SATB2: variants seen among roughly 807,000 people sequenced by gnomAD.
SATB2 encodes the protein SATB homeobox 2.
In SATB2, 1 loss-of-function variant was observed where a neutral mutation model predicts 73.4. The observed-to-expected ratio is 0.01, with a 90% CI of 0.00 to 0.06. The LOEUF (loss-of-function observed/expected upper bound fraction) is 0.06, where lower values mean the gene tolerates loss of function less well. SATB2 is among the 10% of genes least tolerant of loss of function. The probability of loss-of-function intolerance (pLI) is 1.00; values close to 1 mark genes in which losing one functional copy is unlikely to be tolerated. For missense variants in SATB2, 459 were observed against 945.8 expected (o/e 0.49, Z 6.75); for synonymous variants, 397 against 367.0 (o/e 1.08, Z -0.93).
intron 10 of SATB2, among the ~76,000 whole-genome samples, chr2:199,298,406 G>A (rs1574483374): frequency 6.6e-6 from 1 of 152,060 alleles, no homozygotes; most frequent in Admixed American, 6.6e-5. Flanking sequence ...CAGTCTACTT[G>A]TATAAGCTCT....
At chr2:199,436,847 G>A (rs985076467) in intron 2 of SATB2, among the ~76,000 whole-genome samples, 1 of 151,086 alleles carries the variant, frequency 6.6e-6, no homozygotes, top group Non-Finnish European at 1.5e-5. Flanking sequence ...CCAAGAAAGA[G>A]AGAGAGAGAG....
intron 10 of SATB2, among the ~76,000 whole-genome samples, chr2:199,280,763 C>A (rs1412901857): frequency 6.6e-6 from 1 of 152,134 alleles, no homozygotes; most frequent in East Asian, 1.9e-4. Flanking sequence ...AAGATGTTAT[C>A]AATGAAAATG....
chr2:199,368,729 A>G (rs1375779761), intron 5 of SATB2, 22 bp from the exon 6 acceptor site: 1 of 1,416,010 alleles, frequency 7.1e-7, no homozygotes, highest in Non-Finnish European at 1.0e-6. Flanking sequence ...AATTATAGTT[A>G]TTTTTTCAAA....
chr2:199,387,922 A>G (rs1690010050), intron 3 of SATB2, among the ~76,000 whole-genome samples: 1 of 152,204 alleles, frequency 6.6e-6, no homozygotes, highest in South Asian at 2.1e-4. Context: ...AAGAGCTGAC[A>G]TTTCACCAAA....
chr2:199,299,310 T>C (rs569747181), intron 10 of SATB2, among the ~76,000 whole-genome samples: 2 of 152,318 alleles, frequency 1.3e-5, no homozygotes, highest in South Asian at 4.1e-4. Context: ...TAAATCACTT[T>C]AGACTCTATA....
intron 3 of SATB2, among the ~76,000 whole-genome samples, chr2:199,413,483 T>C (rs1006569010): frequency 3.3e-5 from 5 of 152,306 alleles, no homozygotes; most frequent in Middle Eastern, 3.4e-3. Context: ...CTCTGCTCTC[T>C]GCCTTCTCTG....
chr2:199,319,273 C>T (rs1257250086), intron 9 of SATB2, among the ~76,000 whole-genome samples: 2 of 152,136 alleles, frequency 1.3e-5, no homozygotes, highest in African/African-American at 4.8e-5. Context: ...GCAGTTCCTG[C>T]AGCCAGTGGG....
At chr2:199,366,744 C>T (rs943407813) in intron 6 of SATB2, among the ~76,000 whole-genome samples, 15 of 149,808 alleles carry the variant, frequency 1.0e-4, no homozygotes, top group African/African-American at 3.0e-4. Flanking sequence ...CCTTGACCAA[C>T]TGAATGAAAT....
chr2:199,471,026 T>C (rs1282380008), exon 1 of SATB2: 2 of 152,426 alleles, frequency 1.3e-5, no homozygotes, highest in African/African-American at 4.8e-5. Flanking sequence ...TAGTCCTTGA[T>C]TTCGAAGGCC....
At position 199,308,127 on chromosome 2, in the gene SATB2, T is replaced by C. The variant is rs899902078; in HGVS notation, c.1740+633A>G. Reference sequence around the variant, plus strand: ...GGAAAGTGTCAGTAGTTAAACTCAATTACTATGGCAAAGCAATATTATTTC... The same window carrying C: ...GGAAAGTGTCAGTAGTTAAACTCAACTACTATGGCAAAGCAATATTATTTC... On this transcript the variant is annotated intron_variant, in intron 10 of 10. Transcript: ENST00000417098. This position sits in a 1 kb window ranked among gnomAD's most constrained non-coding sequence, Gnocchi z 4.6. Among the ~76,000 whole-genome samples, 2 of 152,160 alleles carry C rather than the reference T, an allele frequency of 1.3e-5. No homozygotes were observed. Among genetic ancestry groups the C allele is most frequent in the Non-Finnish European group, 2.9e-5 (2 of 68,030 alleles).
chr2:199,272,192 T>G lies in SATB2; in HGVS notation c.*19A>C. 6.2e-7 allele frequency: 1 copy of G among 1,606,682 alleles called. No homozygotes were observed. Among genetic ancestry groups the G allele is most frequent in the Non-Finnish European group, 8.5e-7 (1 of 1,173,572 alleles). ...AAATCCTTGGACCGATGTATTGCTT[T>G]GCCTAGTAGAAGTTCACATTATCTC... On this transcript the variant is annotated 3_prime_UTR_variant, in exon 11 of 11. Transcript: ENST00000417098. The surrounding 1 kb of genome is among the most constrained non-coding windows in gnomAD (Gnocchi z 6.7).
At chr2:199,450,146 C>T (rs1692081756) in intron 2 of SATB2, among the ~76,000 whole-genome samples, 1 of 152,022 alleles carries the variant, frequency 6.6e-6, no homozygotes, top group African/African-American at 2.4e-5. Flanking sequence ...TGCTAATTTT[C>T]CGTTCACAAA....
intron 7 of SATB2, among the ~76,000 whole-genome samples, chr2:199,340,000 C>T (rs951450367): frequency 2.0e-5 from 3 of 152,124 alleles, no homozygotes; most frequent in Non-Finnish European, 4.4e-5. Flanking sequence ...TAATTTGGGG[C>T]ATGAATATAC....
At position 199,284,599 on chromosome 2, in the gene SATB2, C is replaced by T. The variant is rs528113355; in HGVS notation, c.1741-11927G>A. On this transcript the variant is annotated intron_variant, in intron 10 of 10. Transcript: ENST00000417098. ...CAATTATGAAAATCCAGTTGTCTTT[C>T]ATTAAGTCAGACTTTAAAATATTTG... 2.0e-5 allele frequency among the ~76,000 whole-genome samples: 3 copies of T among 152,236 alleles called. No individual in the cohort carries two copies. In the South Asian group the frequency reaches 6.2e-4, roughly 32 times the overall value.
intron 6 of SATB2, among the ~76,000 whole-genome samples, chr2:199,362,210 T>C (rs920201930): frequency 2.0e-5 from 3 of 152,206 alleles, no homozygotes; most frequent in African/African-American, 7.2e-5. Flanking sequence ...CTTGTAATTT[T>C]CTAAACATGC....
chr2:199,374,582 A>G (rs1439683987), intron 5 of SATB2, among the ~76,000 whole-genome samples: 1 of 152,244 alleles, frequency 6.6e-6, no homozygotes, highest in African/African-American at 2.4e-5. Context: ...ATATTTTACC[A>G]TAAGAAAACA....
chr2:199,303,116 A>G (rs1347051351), intron 10 of SATB2, among the ~76,000 whole-genome samples: 2 of 152,236 alleles, frequency 1.3e-5, no homozygotes, highest in Admixed American at 6.5e-5. Context: ...GTCGCACGTT[A>G]GCAGTGCTTT....
upstream of SATB2, chr2:199,459,827 G>C (rs1371792617): frequency 1.1e-5 from 1 of 92,120 alleles, no homozygotes; most frequent in East Asian, 3.4e-4. This position sits in a 1 kb window ranked among gnomAD's most constrained non-coding sequence, Gnocchi z 4.2. Context: ...GATCGTGCCC[G>C]GGACAAGGCT....
chr2:199,395,029 G>A (rs970025675), intron 3 of SATB2, among the ~76,000 whole-genome samples: 2 of 151,894 alleles, frequency 1.3e-5, no homozygotes, highest in African/African-American at 4.8e-5. Flanking sequence ...ATAATACATG[G>A]GGAGAAAAGC....
Sources: allele counts gnomAD v4.1 joint callset (sites outside exome capture counted in the v4.1 genomes callset), GRCh38; gene constraint gnomAD v4.1.1; non-coding constraint Gnocchi (gnomAD v3.1); transcripts MANE v1.5; gene names NCBI Gene and HGNC (gene_info 2026-07-23, HGNC 2026-07-21).